The following ANP32E variants were observed in gnomAD, a reference collection of about 807,000 sequenced individuals.
ANP32E encodes the protein acidic leucine-rich nuclear phosphoprotein 32 family member E.
A neutral mutation model predicts 35.3 loss-of-function variants in ANP32E; 14 were observed. The observed-to-expected ratio is 0.40, with a 90% confidence interval of 0.26 to 0.62. The LOEUF is 0.62. ANP32E is among the 20% of genes least tolerant of loss of function. The probability of loss-of-function intolerance (pLI) is 0.45; values close to 1 mark genes in which losing one functional copy is unlikely to be tolerated. For missense variants in ANP32E, 198 were observed against 304.4 expected, an observed-to-expected ratio of 0.65 and a Z score of 2.60; for synonymous variants, 89 against 110.4, an observed-to-expected ratio of 0.81 and a Z score of 1.22.
At chr1:150,233,941 C>T (rs1173145091) in intron 1 of ANP32E, among the ~76,000 whole-genome samples, 1 of 151,966 alleles carries the variant, frequency 6.6e-6, no homozygotes, top group African/African-American at 2.4e-5. Context: ...TGTCAGAAAA[C>T]CAGTTCCTCC....
intron 1 of ANP32E, chr1:150,234,624 C>A (rs1572036130): frequency 1.0e-6 from 1 of 985,602 alleles, no homozygotes; most frequent in South Asian, 4.7e-5. Context: ...CTTTCCTCTG[C>A]GAGGCTCCCC....
intron 5 of ANP32E, among the ~76,000 whole-genome samples, chr1:150,224,224 A>G (rs1487889921): frequency 6.6e-6 from 1 of 152,196 alleles, no homozygotes; most frequent in African/African-American, 2.4e-5. Context: ...AAGGAGAGAC[A>G]AGAAAAAAAG....
chr1:150,222,868 G>C (rs958686994), intron 6 of ANP32E, among the ~76,000 whole-genome samples: 1 of 151,790 alleles, frequency 6.6e-6, no homozygotes, highest in East Asian at 1.9e-4. Context: ...ATAAGATAAG[G>C]CTTCACTCTG....
rs1649668082 is a variant in ANP32E at position 150,235,109 on chromosome 1, T to A, written c.54+624A>T. ...GACGAGTCCCCAAACTCGCCCGCGG[T>A]CGGAGAACCCGCCGCTGACCCAGAT... On this transcript the variant is annotated intron_variant, in intron 1 of 6. Transcript: ENST00000583931. This position sits in a 1 kb window ranked among gnomAD's most constrained non-coding sequence, Gnocchi z 4.2. 6.6e-6 allele frequency among the ~76,000 whole-genome samples: 1 copy of A among 152,040 alleles called. No individual in the cohort carries two copies. The highest frequency in any genetic ancestry group is 1.5e-5 in the Non-Finnish European group (1 of 67,972).
chr1:150,228,692 C>T (rs1308175246), intron 4 of ANP32E, among the ~76,000 whole-genome samples: 1 of 49,132 alleles, frequency 2.0e-5, no homozygotes, highest in African/African-American at 7.1e-5. Context: ...AACTCCCTCT[C>T]AACATAAAAA....
At chr1:150,227,479 A>G (rs1251737603) in intron 4 of ANP32E, among the ~76,000 whole-genome samples, 1 of 152,038 alleles carries the variant, frequency 6.6e-6, no homozygotes, top group African/African-American at 2.4e-5. Flanking sequence ...CCATCATCCT[A>G]AGTGGATTAA....
chr1:150,220,989 G>A (rs1042114100), intron 6 of ANP32E, among the ~76,000 whole-genome samples: 3 of 151,636 alleles, frequency 2.0e-5, no homozygotes, highest in Non-Finnish European at 2.9e-5. Flanking sequence ...ATGGTGGCGG[G>A]TGCCTGTAAT....
At chr1:150,226,926 C>CA in intron 4 of ANP32E, 131 bp from the exon 5 acceptor site, 1 of 966,908 alleles carries the variant, frequency 1.0e-6, no homozygotes. Context: ...CACAGCGATA[C>CA]TTTTTTTTTT....
At chr1:150,220,907 G>C in intron 6 of ANP32E, 146 bp from the exon 7 acceptor site, 1 of 649,572 alleles carries the variant, frequency 1.5e-6, no homozygotes, top group Non-Finnish European at 2.7e-6. Flanking sequence ...GGCTGAGGTG[G>C]ATGGATCACT....
chr1:150,236,004 C>T lies in ANP32E; in HGVS notation c.-218G>A, dbSNP rs1649751948. On this transcript the variant is annotated 5_prime_UTR_variant, in exon 1 of 7. An upstream open reading frame in the 5' UTR gains an earlier in-frame stop. Transcript: ENST00000583931. Reference sequence around the variant, plus strand: ...AACTCAGCTGCCCCCACCTCCTTGTCCACACACTAGCGCGCGCACACACAC... The same window carrying T: ...AACTCAGCTGCCCCCACCTCCTTGTTCACACACTAGCGCGCGCACACACAC... The T allele has an allele frequency of 1.8e-6, 1 of 569,110 alleles. No individual in the cohort carries two copies. The highest frequency in any genetic ancestry group is 1.9e-5 in the African/African-American group (1 of 52,992). 35.3% of individuals were successfully genotyped at this position (569,110 alleles called of 1,614,324 possible).
At chr1:150,228,384 C>T (rs1432046715) in intron 4 of ANP32E, among the ~76,000 whole-genome samples, 1 of 152,094 alleles carries the variant, frequency 6.6e-6, no homozygotes, top group African/African-American at 2.4e-5. Flanking sequence ...TATAGATAAA[C>T]CACATTTCTA....
intron 6 of ANP32E, among the ~76,000 whole-genome samples, chr1:150,222,017 T>C (rs1395047620): frequency 6.6e-6 from 1 of 151,780 alleles, no homozygotes; most frequent in Non-Finnish European, 1.5e-5. Context: ...TGCTTAAGCC[T>C]GGGAGGTCGA....
At position 150,235,273 on chromosome 1, in the gene ANP32E, G is replaced by A. The variant is rs1481994772; in HGVS notation, c.54+460C>T. The stretch of plus-strand genomic sequence containing the variant: ...GTCGGACGCCCAGGGCCTCGAGGCC[G>A]GGGAAGCCCACCCCCTAAAAAGATG... On this transcript the variant is annotated intron_variant, in intron 1 of 6. Coordinates refer to ENST00000583931, the MANE Select transcript of ANP32E (RefSeq NM_030920.5). The surrounding 1 kb of genome is among the most constrained non-coding windows in gnomAD (Gnocchi z 4.2). 6.6e-6 allele frequency among the ~76,000 whole-genome samples: 1 copy of A among 152,198 alleles called. No individual in the cohort carries two copies. Among genetic ancestry groups the A allele is most frequent in the African/African-American group, 2.4e-5 (1 of 41,466 alleles).
chr1:150,230,736 T>C, intron 2 of ANP32E, 43 bp from the exon 3 acceptor site: 6 of 1,535,318 alleles, frequency 3.9e-6, no homozygotes, highest in Non-Finnish European at 5.2e-6. Flanking sequence ...GGTAAAGGTA[T>C]CATATCAAAC....
Position 150,230,446 on chromosome 1 carries a change from GCC to G in ANP32E, c.327+123_327+124del. ...TCTAAAAGAAACAAAAGCAGTAACT[GCC>G]TAGATCACAACATACAAAAAATTCT... On this transcript the variant is annotated intron_variant, in intron 3 of 6. Coordinates refer to ENST00000583931, the MANE Select transcript of ANP32E (RefSeq NM_030920.5). 9.5e-6 allele frequency: 8 copies of G among 845,462 alleles called. 1 individual carries two copies. The highest frequency in any genetic ancestry group is 1.4e-5 in the Non-Finnish European group (8 of 592,202). 52.4% of individuals were successfully genotyped at this position (845,462 alleles called of 1,614,324 possible). A position where few individuals can be genotyped will look rare whatever the true frequency, so the allele number is the denominator to read the frequency against.
At chr1:150,225,029 G>A (rs1648752648) in intron 5 of ANP32E, among the ~76,000 whole-genome samples, 1 of 152,186 alleles carries the variant, frequency 6.6e-6, no homozygotes, top group East Asian at 1.9e-4. Context: ...ACAAGTGTCT[G>A]TAGGCAATAG....
At chr1:150,230,193 A>T (rs1553841332) in intron 3 of ANP32E, among the ~76,000 whole-genome samples, 1 of 152,032 alleles carries the variant, frequency 6.6e-6, no homozygotes, top group African/African-American at 2.4e-5. Context: ...ATCTTTTTTC[A>T]AAATCAGAGC....
chr1:150,234,352 A>C (rs2038753), intron 1 of ANP32E, among the ~76,000 whole-genome samples: 76,667 of 150,360 alleles, frequency 0.51, 20,967 homozygotes, highest in African/African-American at 0.73. Flanking sequence ...ACTTCAAGTT[A>C]TCTCCGGGAT....
intron 1 of ANP32E, among the ~76,000 whole-genome samples, chr1:150,234,383 G>T (rs1254009839): frequency 3.4e-5 from 5 of 147,074 alleles, no homozygotes; most frequent in African/African-American, 1.3e-4. Context: ...GCAAGCAACT[G>T]TTTCCTCTCC....
Sources: gnomAD v4.1 joint callset for allele counts (sites outside exome capture counted in the v4.1 genomes callset) on GRCh38, gnomAD v4.1.1 for gene constraint, Gnocchi (gnomAD v3.1) non-coding constraint, MANE v1.5 for transcripts, NCBI Gene and HGNC (gene_info 2026-07-23, HGNC 2026-07-21) for gene names.